CEP350: variants seen among roughly 807,000 people sequenced by gnomAD.
CEP350 encodes the protein centrosome-associated protein 350.
In CEP350, 126 loss-of-function variants were observed where a neutral mutation model predicts 331.8. That is an observed-to-expected ratio of 0.38 (90% CI 0.33 to 0.44). The LOEUF is 0.44. Ranked by LOEUF, CEP350 falls within the 20% of genes least tolerant of loss-of-function variation. The pLI is 1.00. For missense variants in CEP350, 3,406 were observed against 3,634.6 expected (o/e 0.94, Z 1.62); for synonymous variants, 1,200 against 1,259.5 (o/e 0.95, Z 1.00).
chr1:180,048,619 T>G lies in CEP350; in HGVS notation c.4706T>G (p.Ile1569Arg), dbSNP rs1403994821. ...GAGAAGAAACTTAATGGTGAAAAGA[T>G]AGAGAGTTCCATTGATGAACAGGTT... ...ENEKKLNGEKIESSIDEQVQT... is the reference protein window; with the variant it reads ...ENEKKLNGEKRESSIDEQVQT... Residue 1569 changes from isoleucine (I) to arginine (R), a missense_variant, in exon 22 of 38, where the codon ATA (isoleucine) becomes AGA (arginine). Transcript: ENST00000367607. The G allele has an allele frequency of 3.1e-6, 5 of 1,610,242 alleles. No homozygotes were observed. The highest frequency in any genetic ancestry group is 4.2e-6 in the Non-Finnish European group (5 of 1,176,646).
At chr1:180,019,177 T>C (rs898093212) in intron 11 of CEP350, among the ~76,000 whole-genome samples, 33 of 152,150 alleles carry the variant, frequency 2.2e-4, no homozygotes, top group African/African-American at 8.0e-4. Flanking sequence ...AGGGTCTTCT[T>C]AATAGTTGAC....
intron 1 of CEP350, among the ~76,000 whole-genome samples, chr1:179,977,141 G>T (rs12123201): frequency 0.12 from 18,916 of 152,122 alleles, 1,252 homozygotes; most frequent in South Asian, 0.16. Context: ...GCTTCCTTAG[G>T]CCTTATCCAG....
chr1:179,999,945 T>A (rs1281888853), intron 6 of CEP350, among the ~76,000 whole-genome samples: 1 of 152,178 alleles, frequency 6.6e-6, no homozygotes, highest in Admixed American at 6.5e-5. Flanking sequence ...TATTTGGTTG[T>A]TTGCATATTT....
chr1:180,111,153 C>T lies in CEP350; in HGVS notation c.9346C>T (p.Leu3116Phe), dbSNP rs752052995. ...CAGTGAAAAGCAGGGGAGAATGCTACTTGTGTGACATCTTGCAAATAAATC... is the reference window on the plus strand; with the variant it reads ...CAGTGAAAAGCAGGGGAGAATGCTATTTGTGTGACATCTTGCAAATAAATC... ...QISEKQGRML[L>F]V Residue 3116 changes from leucine to phenylalanine, a missense_variant, in exon 38 of 38, where the codon CTT becomes TTT. Coordinates refer to ENST00000367607, the MANE Select transcript of CEP350 (RefSeq NM_014810.5). The T allele has an allele frequency of 3.7e-6, 6 of 1,613,570 alleles. No individual in the cohort carries two copies. In the East Asian group the frequency reaches 1.1e-4, roughly 30 times the overall value.
At chr1:180,004,943 CTTTCTTTCTTT>C (rs1654154542) in intron 7 of CEP350, among the ~76,000 whole-genome samples, 1 of 84,728 alleles carries the variant, frequency 1.2e-5, no homozygotes, top group African/African-American at 3.1e-5. Context: ...TTCTTTCTTT[CTTTCTTTCTTT>C]CCCCTCTCTC....
At chr1:179,997,658 A>G (rs1653557466) in intron 6 of CEP350, among the ~76,000 whole-genome samples, 1 of 152,144 alleles carries the variant, frequency 6.6e-6, no homozygotes. Context: ...GGAATTTTTA[A>G]TTAGTCCTTC....
rs1441672360 is a variant in CEP350, at chr1:179,987,272, C to A, written c.106C>A (p.Gln36Lys). Residue 36 changes from glutamine to lysine, a missense_variant, in exon 3 of 38, where the codon CAA becomes AAA. Physicochemically the swap from Gln to Lys is moderately conservative, Grantham distance 53 (BLOSUM62 1). This residue lies in a region of CEP350 where 1,857 missense variants were observed against 1,909.2 expected (regional missense o/e 0.97). Coordinates refer to ENST00000367607, the MANE Select transcript of CEP350 (RefSeq NM_014810.5). ...DITTSWDALS[Q>K]TKAALRHIEN... ...AACCACATCGTGGGATGCACTTTCT[C>A]AAACCAAGGCTGCTGTAAGTAGTTT... 10 of 1,561,224 alleles carry A rather than the reference C, an allele frequency of 6.4e-6. No individual in the cohort carries two copies. The highest frequency in any genetic ancestry group is 8.8e-6 in the Non-Finnish European group (10 of 1,138,148).
chr1:179,956,400 G>A (rs917387513), intron 1 of CEP350, among the ~76,000 whole-genome samples: 24 of 152,128 alleles, frequency 1.6e-4, no homozygotes, highest in African/African-American at 5.6e-4. Flanking sequence ...TGTAGAGATG[G>A]CAAGTTGTAT....
At chr1:180,019,911 G>A in intron 11 of CEP350, 38 bp from the exon 12 acceptor site, 3 of 1,510,026 alleles carry the variant, frequency 2.0e-6, no homozygotes, top group East Asian at 2.3e-5. Flanking sequence ...TTAAAATGGT[G>A]GTTTAGTTAA....
chr1:180,039,147 G>A (rs1201274684), intron 17 of CEP350, among the ~76,000 whole-genome samples: 3 of 151,234 alleles, frequency 2.0e-5, no homozygotes, highest in Non-Finnish European at 4.4e-5. Context: ...GGGGGGTGGT[G>A]GTAGCGGTTG....
chr1:179,978,182 C>G (rs912106807), intron 1 of CEP350, among the ~76,000 whole-genome samples: 1 of 151,866 alleles, frequency 6.6e-6, no homozygotes, highest in African/African-American at 2.4e-5. Flanking sequence ...GGCTATCTTC[C>G]ATTATGAAAG....
intron 11 of CEP350, among the ~76,000 whole-genome samples, chr1:180,017,637 G>T (rs1359571184): frequency 6.6e-6 from 1 of 152,162 alleles, no homozygotes; most frequent in Non-Finnish European, 1.5e-5. Context: ...GACTCCTGAT[G>T]TCTAACTTAT....
rs1655277836 is a variant in CEP350, at chr1:180,020,805, A to G, written c.3031A>G (p.Ile1011Val). ...ACAGCCCCTTTTGAAAGTAGCAGAA[A>G]TTTTAAAAGAAAAGGAATTTTGTCC... Reference protein sequence around the residue: ...DGQPLLKVAEILKEKEFCPGE... With the variant: ...DGQPLLKVAEVLKEKEFCPGE... Residue 1011 changes from isoleucine (I) to valine (V), a missense_variant, in exon 12 of 38, where the codon ATT becomes GTT. Physicochemically the swap from Ile to Val is conservative, Grantham distance 29. Around this residue, in one of 5 missense-constraint regions of CEP350, gnomAD observed 1,857 missense variants for 1,909.2 expected, o/e 0.97. Transcript: ENST00000367607. 4 of 1,613,142 alleles carry G rather than the reference A, an allele frequency of 2.5e-6. No homozygotes were observed. Among genetic ancestry groups the G allele is most frequent in the Non-Finnish European group, 3.4e-6 (4 of 1,179,752 alleles).
chr1:180,061,707 T>C (rs1269434530), intron 25 of CEP350, among the ~76,000 whole-genome samples: 8 of 152,194 alleles, frequency 5.3e-5, no homozygotes, highest in Non-Finnish European at 1.0e-4. Flanking sequence ...AAAAACTGTT[T>C]TTAAGAACCA....
At chr1:179,994,480 G>A (rs560396620) in intron 5 of CEP350, among the ~76,000 whole-genome samples, 13 of 131,338 alleles carry the variant, frequency 9.9e-5, no homozygotes, top group Admixed American at 6.6e-4. Flanking sequence ...TTGAGACAGT[G>A]TCTCACTCTG....
chr1:180,048,696 G>A lies in CEP350; in HGVS notation c.4783G>A (p.Asp1595Asn). 6.2e-7 allele frequency: 1 copy of A among 1,607,278 alleles called. No homozygotes were observed. Residue 1595 changes from aspartate to asparagine, a missense_variant, in exon 22 of 38, where the codon GAT becomes AAT. By Grantham distance (23) the Asp-to-Asn change is conservative. Around this residue, in one of 5 missense-constraint regions of CEP350, gnomAD observed 1,857 missense variants for 1,909.2 expected, o/e 0.97. Transcript: ENST00000367607. ...AAGTGATAGTGTTCCATCTCTTCCT[G>A]ATGAAAAAGGTAACTTTCTTTGCAA... Reference protein sequence around the residue: ...LRSDSVPSLPDEKDSTSIATE... With the variant: ...LRSDSVPSLPNEKDSTSIATE...
chr1:179,978,937 A>G (rs907225865), intron 1 of CEP350, among the ~76,000 whole-genome samples: 8 of 152,082 alleles, frequency 5.3e-5, no homozygotes, highest in African/African-American at 1.9e-4. Flanking sequence ...TAGACAGGAT[A>G]TAGTTCCATA....
At position 180,093,928 on chromosome 1, in the gene CEP350, T is replaced by G. The variant is rs1660335082; in HGVS notation, c.7823T>G (p.Val2608Gly). Residue 2608 changes from valine to glycine, a missense_variant, in exon 34 of 38, where the codon GTC (valine) becomes GGC (glycine). Physicochemically the swap from Val to Gly is moderately radical, Grantham distance 109 (BLOSUM62 -3). Around this residue, in one of 5 missense-constraint regions of CEP350, gnomAD observed 1,415 missense variants for 1,512.3 expected, o/e 0.94. Coordinates refer to ENST00000367607, the MANE Select transcript of CEP350 (RefSeq NM_014810.5). ...TEGPKDREKDVSEYFYEKSLP... is the reference protein window; with the variant it reads ...TEGPKDREKDGSEYFYEKSLP... ...GGTCCAAAAGACAGAGAAAAGGATGTCAGTGAATATTTTTATGAGAAATCC... is the reference window on the plus strand; with the variant it reads ...GGTCCAAAAGACAGAGAAAAGGATGGCAGTGAATATTTTTATGAGAAATCC... The G allele has an allele frequency of 1.9e-6, 3 of 1,613,714 alleles. No homozygotes were observed. The South Asian group carries it at 3.3e-5, about 18-fold the overall frequency.
chr1:179,984,955 G>T (rs973642760), intron 1 of CEP350, among the ~76,000 whole-genome samples: 1 of 152,074 alleles, frequency 6.6e-6, no homozygotes, highest in African/African-American at 2.4e-5. Flanking sequence ...CTTTCCCTTT[G>T]AGTTGTGATA....
Sources: gnomAD v4.1 joint callset for allele counts (sites outside exome capture counted in the v4.1 genomes callset) on GRCh38, gnomAD v4.1.1 for gene constraint, gnomAD v4.1.1 regional missense constraint, MANE v1.5 for transcripts, NCBI Gene and HGNC (gene_info 2026-07-23, HGNC 2026-07-21) for gene names.